GGA2: variants seen among roughly 807,000 people sequenced by gnomAD.
The protein encoded by GGA2 is ADP-ribosylation factor-binding protein GGA2.
In GGA2, 48 loss-of-function variants were observed where a neutral mutation model predicts 79.5. The ratio of observed to expected loss-of-function variants is 0.60; its 90% CI spans 0.48 to 0.77. GGA2 has a LOEUF of 0.77. Ranked by LOEUF, GGA2 falls within the 30% of genes least tolerant of loss-of-function variation. The pLI, the probability that GGA2 is intolerant of heterozygous loss-of-function variation, is 0.00. For missense variants in GGA2, 770 were observed against 774.0 expected (o/e 0.99, Z 0.06); for synonymous variants, 317 against 302.0 (o/e 1.05, Z -0.51).
upstream of GGA2, among the ~76,000 whole-genome samples, chr16:23,511,050 T>TGTGTGTGTGTGTGTGTGTGTG (rs57500272): frequency 1.1e-4 from 16 of 149,488 alleles, no homozygotes; most frequent in South Asian, 4.2e-4. Context: ...TGTGTGTGTG[T>TGTGTGTGTGTGTGTGTGTGTG]TAGAGACTGG....
Position 23,495,717 on chromosome 16 carries a change from C to T in GGA2, c.153G>A (p.Glu51=), listed in dbSNP as rs1964846583. Reference sequence around the variant, plus strand: ...ACCCATTGGGGTCAGTGTTCACCTGCTCACAGAAATTCTGGATAGCTGACC... The same window carrying T: ...ACCCATTGGGGTCAGTGTTCACCTGTTCACAGAAATTCTGGATAGCTGACC... ...QDWSAIQNFC[E]QVNTDPNGPT... Residue 51 remains glutamate, a synonymous_variant, in exon 2 of 17, where the codon GAG becomes GAA. Transcript: ENST00000309859. The T allele has an allele frequency of 6.2e-7, 1 of 1,610,356 alleles. No homozygotes were observed. Among genetic ancestry groups the T allele is most frequent in the South Asian group, 1.1e-5 (1 of 90,940 alleles).
chr16:23,469,053 G>A, intron 15 of GGA2, 57 bp from the exon 16 acceptor site: 1 of 1,071,700 alleles, frequency 9.3e-7, no homozygotes, highest in East Asian at 2.4e-5. Flanking sequence ...TTCTAGGATG[G>A]AGATCAGGTG....
chr16:23,493,743 G>C (rs1249807920), intron 3 of GGA2: 1 of 379,088 alleles, frequency 2.6e-6, no homozygotes, highest in East Asian at 5.9e-5. Context: ...CCTTTGAGAG[G>C]AGAAAGTGGC....
chr16:23,524,070 G>A (rs894557936), upstream of GGA2: 4 of 415,550 alleles, frequency 9.6e-6, no homozygotes, highest in Non-Finnish European at 1.3e-5. Context: ...GCACTGTTCC[G>A]GGATGTTAAC....
At chr16:23,519,986 C>A (rs952168670) in intron 1 of GGA2, among the ~76,000 whole-genome samples, 7 of 152,226 alleles carry the variant, frequency 4.6e-5, no homozygotes, top group African/African-American at 2.4e-5. Context: ...GTGGCTCATG[C>A]CTGTAATCCC....
rs1315867937 is a variant in GGA2 at position 23,483,020 on chromosome 16, T to C, written c.799-16A>G. 3 of 1,586,044 alleles carry C rather than the reference T, an allele frequency of 1.9e-6. No homozygotes were observed. Among genetic ancestry groups the C allele is most frequent in the East Asian group, 2.2e-5 (1 of 44,738 alleles). On this transcript the variant is annotated splice_polypyrimidine_tract_variant and intron_variant, in intron 8 of 16. Coordinates refer to ENST00000309859, the MANE Select transcript of GGA2 (RefSeq NM_015044.4). The stretch of plus-strand genomic sequence containing the variant: ...CATACACGACCTGAAAGAGCAGAGC[T>C]TGGTTCATGACACACGCCCAGGCAC...
At position 23,464,056 on chromosome 16, in the gene GGA2, G is replaced by A. The variant is rs977275461; in HGVS notation, c.*3534C>T. On this transcript the variant is annotated 3_prime_UTR_variant, in exon 17 of 17. Transcript: ENST00000309859. ...ATTTAAAGGATTTGGGATTAATATT[G>A]TAGTAGGCAAGCACTATTTGTATTC... 1 of 152,208 alleles carries A rather than the reference G, an allele frequency of 6.6e-6. No homozygotes were observed. The highest frequency in any genetic ancestry group is 2.4e-5 in the African/African-American group (1 of 41,456). 9.4% of individuals were successfully genotyped at this position (152,208 alleles called of 1,614,324 possible).
rs527296050 is a variant in GGA2 at position 23,486,564 on chromosome 16, T to A, written c.660+146A>T. On this transcript the variant is annotated intron_variant, in intron 7 of 16. Coordinates refer to ENST00000309859, the MANE Select transcript of GGA2 (RefSeq NM_015044.4). ...CCACCTTGCTGCCCTTGAGGGAGAC[T>A]ATGGCTGTTCCCCAGAGTTCAGGGC... 78 of 714,188 alleles carry A rather than the reference T, an allele frequency of 1.1e-4. No homozygotes were observed. In the African/African-American group the frequency reaches 1.3e-3, roughly 12 times the overall value. 44.2% of individuals were successfully genotyped at this position (714,188 alleles called of 1,614,324 possible).
intron 6 of GGA2, among the ~76,000 whole-genome samples, chr16:23,487,100 G>A (rs1406835425): frequency 6.7e-6 from 1 of 149,016 alleles, no homozygotes; most frequent in East Asian, 2.1e-4. Flanking sequence ...TCCTGCCCCA[G>A]CCTCCCAAGT....
In GGA2 at chr16:23,478,893, A is replaced by G; in HGVS notation, c.1148T>C (p.Val383Ala). ...LAALGISDAPVTGMVSGQNCC... is the reference protein window; with the variant it reads ...LAALGISDAPATGMVSGQNCC... The stretch of plus-strand genomic sequence containing the variant: ...GAAGGGCATCCTTACCATGCCTGTA[A>G]CAGGAGCATCACTGATTCCTGTAAG... Residue 383 changes from valine to alanine, a missense_variant, in exon 12 of 17, where the codon GTT (valine) becomes GCT (alanine). Transcript: ENST00000309859. 1 of 1,606,350 alleles carries G rather than the reference A, an allele frequency of 6.2e-7. No individual in the cohort carries two copies. The highest frequency in any genetic ancestry group is 8.5e-7 in the Non-Finnish European group (1 of 1,173,362).
upstream of GGA2, among the ~76,000 whole-genome samples, chr16:23,514,247 A>G (rs1456486913): frequency 2.0e-5 from 3 of 151,932 alleles, no homozygotes; most frequent in Admixed American, 6.6e-5. Flanking sequence ...CTGGGAATAC[A>G]GGCACCCCGC....
At chr16:23,493,274 C>T (rs1004337621) in intron 4 of GGA2, 86 bp downstream of exon 4, 2 of 819,244 alleles carry the variant, frequency 2.4e-6, no homozygotes. Context: ...CATGCGTGGG[C>T]CTGCCTCTGG....
intron 13 of GGA2, among the ~76,000 whole-genome samples, chr16:23,476,962 C>CT (rs940574512): frequency 6.6e-6 from 1 of 152,042 alleles, no homozygotes; most frequent in Non-Finnish European, 1.5e-5. Context: ...GCACATTAAA[C>CT]TTTTTTTGAG....
chr16:23,473,010 G>A (rs1006552221), intron 14 of GGA2, among the ~76,000 whole-genome samples: 2 of 135,906 alleles, frequency 1.5e-5, no homozygotes, highest in Admixed American at 8.3e-5. Context: ...TCCAGCCTGG[G>A]TGACAGCGAG....
intron 6 of GGA2, among the ~76,000 whole-genome samples, chr16:23,487,335 G>A (rs1964728345): frequency 6.6e-6 from 1 of 152,172 alleles, no homozygotes; most frequent in East Asian, 1.9e-4. Flanking sequence ...CCCAGGGGAT[G>A]TCTGGCTAAG....
intron 1 of GGA2, chr16:23,501,138 G>A (rs962185069): frequency 4.8e-6 from 2 of 417,398 alleles, no homozygotes; most frequent in African/African-American, 2.1e-5. Flanking sequence ...GAAATCCTTC[G>A]AGCATGATCC....
rs1422870182 is a variant in GGA2, at chr16:23,479,440, CCT to C, written c.1129+323_1129+324del. On this transcript the variant is annotated intron_variant, in intron 11 of 16. Coordinates refer to ENST00000309859, the MANE Select transcript of GGA2 (RefSeq NM_015044.4). ...AGCTCACTCTCCTACTCACAACCACCCTGATTCCCTCAGCAGCAGGTATGTGC... is the reference window on the plus strand; with the variant it reads ...AGCTCACTCTCCTACTCACAACCACCGATTCCCTCAGCAGCAGGTATGTGC... 4.0e-5 allele frequency among the ~76,000 whole-genome samples: 6 copies of C among 149,658 alleles called. No individual in the cohort carries two copies. In the South Asian group the frequency reaches 6.3e-4, roughly 16 times the overall value.
chr16:23,496,869 A>T (rs1964862466), intron 1 of GGA2, among the ~76,000 whole-genome samples: 1 of 151,024 alleles, frequency 6.6e-6, no homozygotes, highest in Non-Finnish European at 1.5e-5. Context: ...AAGGCAGGAA[A>T]ATTGCCTGAA....
intron 10 of GGA2, chr16:23,480,295 A>T (rs1964631147): frequency 3.2e-6 from 1 of 311,472 alleles, no homozygotes; most frequent in South Asian, 4.5e-5. Context: ...CATTTCAACC[A>T]GTGCTCCAGG....
Sources: allele counts gnomAD v4.1 joint callset (sites outside exome capture counted in the v4.1 genomes callset), GRCh38; gene constraint gnomAD v4.1.1; transcripts MANE v1.5; gene names NCBI Gene and HGNC (gene_info 2026-07-23, HGNC 2026-07-21).